The following CTCFL variants were observed in gnomAD, a reference collection of about 807,000 sequenced individuals.
CTCFL encodes the protein transcriptional repressor CTCFL.
A neutral mutation model predicts 67.4 loss-of-function variants in CTCFL; 36 were observed. The observed-to-expected ratio is 0.53, with a 90% confidence interval of 0.41 to 0.71. The LOEUF (loss-of-function observed/expected upper bound fraction) is 0.71. Among genes scored for constraint, CTCFL ranks in the 30% least tolerant of loss-of-function variants. The probability of loss-of-function intolerance (pLI) is 0.00; values close to 1 mark genes in which losing one functional copy is unlikely to be tolerated. For synonymous variants in CTCFL, 324 were observed against 302.3 expected, an observed-to-expected ratio of 1.07 and a Z score of -0.75; for missense variants, 786 against 835.2, an observed-to-expected ratio of 0.94 and a Z score of 0.73.
At chr20:57,508,467 C>A in intron 9 of CTCFL, 139 bp downstream of exon 9, 1 of 744,392 alleles carries the variant, frequency 1.3e-6, no homozygotes. Flanking sequence ...CTAATAACCA[C>A]TTTCCTAAGG....
At chr20:57,498,920 G>C (rs1462472203) in intron 10 of CTCFL, among the ~76,000 whole-genome samples, 1 of 152,206 alleles carries the variant, frequency 6.6e-6, no homozygotes, top group Non-Finnish European at 1.5e-5. Flanking sequence ...TGGGGCCAGA[G>C]AGCTGTCTGC....
At position 57,503,488 on chromosome 20, in the gene CTCFL, T is replaced by A; in HGVS notation, c.1788A>T (p.Thr596=). 1 of 1,614,236 alleles carries A rather than the reference T, an allele frequency of 6.2e-7. No homozygotes were observed. Among genetic ancestry groups the A allele is most frequent in the Non-Finnish European group, 8.5e-7 (1 of 1,180,036 alleles). Residue 596 remains threonine, a synonymous_variant, in exon 10 of 11, where the codon ACA becomes ACT. Coordinates refer to ENST00000243914, the MANE Select transcript of CTCFL (RefSeq NM_001386993.1). ...CCTTCGCAGCTTCCTTCTGACCCTT[T>A]GTGGCTTCCTTCAGGATGGTCTGCT... The part of the protein sequence containing the change: ...KRKQTILKEA[T]KGQKEAAKGW...
chr20:57,499,165 T>C (rs2067799070), intron 10 of CTCFL, among the ~76,000 whole-genome samples: 1 of 150,448 alleles, frequency 6.6e-6, no homozygotes, highest in African/African-American at 2.4e-5. Context: ...TCGAGGCGGA[T>C]CTCAGAGATT....
At chr20:57,503,365 C>T (rs772255414) in intron 10 of CTCFL, 71 bp downstream of exon 10, 2 of 1,571,044 alleles carry the variant, frequency 1.3e-6, no homozygotes, top group African/African-American at 2.7e-5. Flanking sequence ...GACAGTAACA[C>T]TCGGCACCCA....
intron 5 of CTCFL, among the ~76,000 whole-genome samples, chr20:57,516,095 C>G (rs6064555): frequency 6.6e-6 from 1 of 152,198 alleles, no homozygotes; most frequent in East Asian, 1.9e-4. Context: ...TCGCGTTCAC[C>G]TTCACTTTAA....
chr20:57,499,933 C>T, intron 10 of CTCFL: 1 of 984,448 alleles, frequency 1.0e-6, no homozygotes. Flanking sequence ...TTCCTAACAG[C>T]CCACAGGTCC....
In CTCFL at chr20:57,498,195, G is replaced by C. The variant is rs761207418; in HGVS notation, c.*355C>G. 3.0e-6 allele frequency: 3 copies of C among 999,856 alleles called. No homozygotes were observed. The highest frequency in any genetic ancestry group is 3.6e-6 in the Non-Finnish European group (3 of 839,398). The allele number at this position is 999,856 out of a possible 1,614,324, so 61.9% of individuals were successfully genotyped here. A position where few individuals can be genotyped will look rare whatever the true frequency, so the allele number is the denominator to read the frequency against. On this transcript the variant is annotated 3_prime_UTR_variant, in exon 11 of 11. Coordinates refer to ENST00000243914, the MANE Select transcript of CTCFL (RefSeq NM_001386993.1). Reference sequence around the variant, plus strand: ...CAAAAATCACTACTCACTCATTGTGGGCCACCTTGCCAATATCAAGTGAAT... The same window carrying C: ...CAAAAATCACTACTCACTCATTGTGCGCCACCTTGCCAATATCAAGTGAAT...
intron 1 of CTCFL, 196 bp downstream of exon 1, chr20:57,524,832 T>G: frequency 1.2e-6 from 1 of 858,598 alleles, no homozygotes; most frequent in Non-Finnish European, 1.4e-6. Flanking sequence ...CCAAGCACAC[T>G]CCCTCGGAGG....
At position 57,497,860 on chromosome 20, in the gene CTCFL, A is replaced by G. The variant is rs1157010194; in HGVS notation, c.*690T>C. The stretch of plus-strand genomic sequence containing the variant: ...TAATTAAAAGAGAATACAAAAATCT[A>G]AAGGTGAACCTTGCTCCTATACCAA... On this transcript the variant is annotated 3_prime_UTR_variant, in exon 11 of 11. Transcript: ENST00000243914. 2 of 984,130 alleles carry G rather than the reference A, an allele frequency of 2.0e-6. No individual in the cohort carries two copies. Among genetic ancestry groups the G allele is most frequent in the Non-Finnish European group, 2.4e-6 (2 of 828,866 alleles). 61.0% of individuals were successfully genotyped at this position (984,130 alleles called of 1,614,324 possible). A position where few individuals can be genotyped will look rare whatever the true frequency, so the allele number is the denominator to read the frequency against.
intron 3 of CTCFL, among the ~76,000 whole-genome samples, 164 bp downstream of exon 3, chr20:57,522,903 TG>T (rs1386740157): frequency 6.6e-6 from 1 of 152,234 alleles, no homozygotes; most frequent in Non-Finnish European, 1.5e-5. Flanking sequence ...AAAACCCTTC[TG>T]GATTTGATTC....
intron 2 of CTCFL, 72 bp downstream of exon 2, chr20:57,523,591 T>C (rs2069565829): frequency 3.9e-6 from 6 of 1,541,874 alleles, no homozygotes; most frequent in African/African-American, 1.4e-5. Context: ...TGTCCAGACA[T>C]AATATTGCAT....
At chr20:57,516,503 C>T (rs1405924162) in intron 5 of CTCFL, among the ~76,000 whole-genome samples, 1 of 152,172 alleles carries the variant, frequency 6.6e-6, no homozygotes, top group African/African-American at 2.4e-5. Flanking sequence ...CACCACTGCA[C>T]TCCAACCAGG....
intron 7 of CTCFL, chr20:57,513,262 G>T: frequency 1.0e-6 from 1 of 985,636 alleles, no homozygotes; most frequent in Non-Finnish European, 1.2e-6. Flanking sequence ...GTTGTTAGAA[G>T]TCAGTGCCCT....
At position 57,523,609 on chromosome 20, in the gene CTCFL, G is replaced by T; in HGVS notation, c.543+54C>A. The T allele has an allele frequency of 1.3e-6, 2 of 1,559,602 alleles. 1 individual carries two copies. The highest frequency in any genetic ancestry group is 2.5e-5 in the South Asian group (2 of 80,912). ...CCAGACATAATATTGCATAAAAGCC[G>T]ACTTGAATTTTTTCTTTTTCATGTA... On this transcript the variant is annotated intron_variant, in intron 2 of 10. Transcript: ENST00000243914.
chr20:57,514,074 G>A (rs546653207), intron 7 of CTCFL, among the ~76,000 whole-genome samples: 3 of 152,184 alleles, frequency 2.0e-5, no homozygotes, highest in Admixed American at 6.5e-5. Flanking sequence ...CACGTTACAG[G>A]CCCGCCTCCT....
rs182427872 is a variant in CTCFL, at chr20:57,505,848, T to C, written c.1675-2247A>G. Among the ~76,000 whole-genome samples the C allele has an allele frequency of 9.2e-5, 14 of 152,312 alleles. No homozygotes were observed. The East Asian group carries it at 2.5e-3, about 27-fold the overall frequency. On this transcript the variant is annotated intron_variant, in intron 9 of 10. Transcript: ENST00000243914. ...TCTTAAGTCAGAAAATTTTCACTTT[T>C]TGAAAAGGTCCTAGGCAAAAGTAAA...
intron 8 of CTCFL, among the ~76,000 whole-genome samples, chr20:57,510,279 T>G (rs1207508358): frequency 6.6e-6 from 1 of 152,220 alleles, no homozygotes; most frequent in East Asian, 1.9e-4. Context: ...ACAGGTGGCA[T>G]GTATTAGTAT....
intron 6 of CTCFL, chr20:57,515,037 AT>A (rs2068818919): frequency 2.7e-6 from 1 of 364,862 alleles, no homozygotes; most frequent in South Asian, 7.6e-5. Flanking sequence ...ACATAAATGT[AT>A]TCTTAACACA....
chr20:57,504,454 T>C (rs1325935573), intron 9 of CTCFL, among the ~76,000 whole-genome samples: 4 of 151,560 alleles, frequency 2.6e-5, no homozygotes, highest in African/African-American at 9.7e-5. Flanking sequence ...TAATTTTTGT[T>C]ATTTTTAGTA....
Sources: gnomAD v4.1 joint callset for allele counts (sites outside exome capture counted in the v4.1 genomes callset) on GRCh38, gnomAD v4.1.1 for gene constraint, MANE v1.5 for transcripts, NCBI Gene and HGNC (gene_info 2026-07-23, HGNC 2026-07-21) for gene names.